Variants in GNAQ observed in about 807,000 individuals in gnomAD.
GNAQ encodes guanine nucleotide-binding protein G(q) subunit alpha.
GNAQ carries 8 observed loss-of-function variants against 43.9 expected under a neutral mutation model. The ratio of observed to expected loss-of-function variants is 0.18; its 90% CI spans 0.11 to 0.33. The LOEUF is 0.33. GNAQ is among the 10% of genes least tolerant of loss of function. The probability of loss-of-function intolerance (pLI) is 1.00; values close to 1 mark genes in which losing one functional copy is unlikely to be tolerated. For missense variants in GNAQ, 158 were observed against 450.8 expected, an observed-to-expected ratio of 0.35 and a Z score of 5.88; for synonymous variants, 155 against 170.7, an observed-to-expected ratio of 0.91 and a Z score of 0.71.
At chr9:77,744,414 C>A (rs1048549299) in intron 5 of GNAQ, among the ~76,000 whole-genome samples, 1 of 152,094 alleles carries the variant, frequency 6.6e-6, no homozygotes, top group Admixed American at 6.5e-5. Context: ...TTTTCCTGGG[C>A]ACTTATAACT....
chr9:77,945,074 A>C (rs1459382990), intron 1 of GNAQ, among the ~76,000 whole-genome samples: 1 of 152,170 alleles, frequency 6.6e-6, no homozygotes, highest in Non-Finnish European at 1.5e-5. Context: ...ATTTGTTTGA[A>C]GTATTGTAAA....
chr9:77,794,858 A>G (rs1826633319), intron 4 of GNAQ, among the ~76,000 whole-genome samples: 1 of 152,188 alleles, frequency 6.6e-6, no homozygotes, highest in African/African-American at 2.4e-5. Flanking sequence ...AAACATCCTT[A>G]TCTGTGCCAA....
At chr9:78,030,769 G>A (rs1473261311) in intron 1 of GNAQ, among the ~76,000 whole-genome samples, 14 of 152,102 alleles carry the variant, frequency 9.2e-5, no homozygotes, top group Non-Finnish European at 1.6e-4. Context: ...TCTGGTCGGA[G>A]TGATCTGCCA....
intron 2 of GNAQ, 55 bp from the exon 3 acceptor site, chr9:77,815,825 T>C: frequency 2.5e-6 from 3 of 1,219,468 alleles, no homozygotes; most frequent in Non-Finnish European, 3.6e-6. Context: ...AAATTTTCTT[T>C]GCTTTGCATA....
chr9:77,994,984 A>G (rs546974865), intron 1 of GNAQ, among the ~76,000 whole-genome samples: 8 of 152,322 alleles, frequency 5.3e-5, no homozygotes, highest in South Asian at 2.1e-4. Flanking sequence ...TCCATTTTAG[A>G]CTTTACAAAG....
In GNAQ at chr9:77,716,785, C is replaced by T. The variant is rs919548736; in HGVS notation, c.*4538G>A. ...TTTGCTATATTGGGTTGGAATCATA[C>T]GGGGAAATGGAGGACACAGGGTAGA... On this transcript the variant is annotated 3_prime_UTR_variant, in exon 7 of 7. Coordinates refer to ENST00000286548, the MANE Select transcript of GNAQ (RefSeq NM_002072.5). 16 of 232,444 alleles carry T rather than the reference C, an allele frequency of 6.9e-5. No individual in the cohort carries two copies. Among genetic ancestry groups the T allele is most frequent in the South Asian group, 3.6e-4 (2 of 5,504 alleles). The allele number at this position is 232,444 out of a possible 1,614,324, so 14.4% of individuals were successfully genotyped here.
chr9:77,775,409 CTTTTTTT>C (rs555902583), intron 5 of GNAQ, among the ~76,000 whole-genome samples: 6 of 130,964 alleles, frequency 4.6e-5, no homozygotes, highest in African/African-American at 1.1e-4. Context: ...CCTCATCTCT[CTTTTTTT>C]TTTTTTTTTT....
chr9:77,797,708 G>A (rs77953373), intron 3 of GNAQ, 60 bp from the exon 4 acceptor site: 25 of 1,504,192 alleles, frequency 1.7e-5, no homozygotes, highest in South Asian at 2.4e-5. Flanking sequence ...AGCTGTCTAC[G>A]GAAAGGGAAG....
intron 5 of GNAQ, among the ~76,000 whole-genome samples, chr9:77,750,283 TTTGATA>T (rs1168091232): frequency 6.6e-6 from 1 of 152,192 alleles, no homozygotes; most frequent in Non-Finnish European, 1.5e-5. Flanking sequence ...AACAGATGTT[TTTGATA>T]TTCAATCTTT....
chr9:77,772,580 C>T (rs1019161213), intron 5 of GNAQ, among the ~76,000 whole-genome samples: 1 of 152,118 alleles, frequency 6.6e-6, no homozygotes, highest in African/African-American at 2.4e-5. Flanking sequence ...TGAGCAGGTA[C>T]AATTCAGGAC....
At chr9:77,727,508 C>T (rs1156718685) in intron 6 of GNAQ, among the ~76,000 whole-genome samples, 2 of 152,100 alleles carry the variant, frequency 1.3e-5, no homozygotes, top group Non-Finnish European at 2.9e-5. Context: ...GCAAATAATG[C>T]AGAGCCATAG....
intron 2 of GNAQ, among the ~76,000 whole-genome samples, chr9:77,890,412 T>C (rs1353407947): frequency 6.6e-6 from 1 of 152,188 alleles, no homozygotes; most frequent in Admixed American, 6.5e-5. Context: ...AATATGAGAA[T>C]TAGAAACGTG....
At chr9:77,898,596 G>A (rs1282742690) in intron 2 of GNAQ, among the ~76,000 whole-genome samples, 2 of 145,652 alleles carry the variant, frequency 1.4e-5, no homozygotes, top group African/African-American at 2.5e-5. Context: ...GGATTTAATG[G>A]ATGGATTGAT....
At chr9:77,859,681 G>T (rs1322797910) in intron 2 of GNAQ, among the ~76,000 whole-genome samples, 1 of 152,168 alleles carries the variant, frequency 6.6e-6, no homozygotes, top group Non-Finnish European at 1.5e-5. Flanking sequence ...ATGTTCATTT[G>T]TTTATAGATT....
intron 1 of GNAQ, among the ~76,000 whole-genome samples, chr9:77,979,636 G>T (rs1220982693): frequency 1.3e-5 from 2 of 152,084 alleles, no homozygotes; most frequent in Non-Finnish European, 2.9e-5. Flanking sequence ...CAAGGGGGGG[G>T]AGACTGAACT....
At chr9:77,808,345 A>G (rs935288058) in intron 3 of GNAQ, among the ~76,000 whole-genome samples, 4 of 151,056 alleles carry the variant, frequency 2.6e-5, no homozygotes, top group Non-Finnish European at 5.9e-5. Context: ...ACCGAGGAAG[A>G]CAAATGCAGG....
intron 2 of GNAQ, among the ~76,000 whole-genome samples, chr9:77,840,168 T>C (rs1243385816): frequency 6.6e-6 from 1 of 152,216 alleles, no homozygotes; most frequent in Non-Finnish European, 1.5e-5. Context: ...AAATGGTTGG[T>C]TGAATAATGG....
chr9:77,886,839 G>A (rs566755520), intron 2 of GNAQ, among the ~76,000 whole-genome samples: 15 of 152,116 alleles, frequency 9.9e-5, no homozygotes, highest in South Asian at 8.3e-4. Context: ...AGCCGGGCAC[G>A]GTGGCTCATG....
intron 1 of GNAQ, among the ~76,000 whole-genome samples, chr9:77,952,879 A>T (rs187524531): frequency 6.6e-6 from 1 of 152,348 alleles, no homozygotes; most frequent in East Asian, 1.9e-4. Context: ...AAAACATGAA[A>T]AACACTTCCA....
Sources: allele counts gnomAD v4.1 joint callset (sites outside exome capture counted in the v4.1 genomes callset), GRCh38; gene constraint gnomAD v4.1.1; transcripts MANE v1.5; gene names NCBI Gene and HGNC (gene_info 2026-07-23, HGNC 2026-07-21).